The following TBC1D16 variants were observed in gnomAD, a reference collection of about 807,000 sequenced individuals.
The protein encoded by TBC1D16 is TBC1 domain family member 16.
TBC1D16 carries 58 observed loss-of-function variants against 74.7 expected under a neutral mutation model. That is an observed-to-expected ratio of 0.78 (90% CI 0.63 to 0.97). The LOEUF is 0.97. TBC1D16 is among the 50% of genes least tolerant of loss of function. The probability of loss-of-function intolerance (pLI) is 0.00; values close to 1 mark genes in which losing one functional copy is unlikely to be tolerated. For missense variants in TBC1D16, 1,014 were observed against 1,079.5 expected, an observed-to-expected ratio of 0.94 and a Z score of 0.85; for synonymous variants, 493 against 474.7, an observed-to-expected ratio of 1.04 and a Z score of -0.50.
chr17:79,942,345 T>C (rs1397505446), intron 10 of TBC1D16, 139 bp from the exon 11 acceptor site: 10 of 914,004 alleles, frequency 1.1e-5, no homozygotes, highest in Non-Finnish European at 1.6e-5. Context: ...GGGGGCCGTG[T>C]GGCCCTGGGC....
At chr17:79,976,313 T>C (rs879868836) in intron 3 of TBC1D16, among the ~76,000 whole-genome samples, 1 of 152,224 alleles carries the variant, frequency 6.6e-6, no homozygotes, top group Non-Finnish European at 1.5e-5. Context: ...AATGGCTCTT[T>C]AGCCTCTGTT....
At chr17:79,967,039 G>A (rs1210251578) in intron 3 of TBC1D16, among the ~76,000 whole-genome samples, 3 of 151,932 alleles carry the variant, frequency 2.0e-5, no homozygotes, top group Non-Finnish European at 4.4e-5. Context: ...AACTAAAAAC[G>A]GAAAGGAACT....
Position 79,934,218 on chromosome 17 carries a change from G to C in TBC1D16, c.*6641C>G, listed in dbSNP as rs1317105076. On this transcript the variant is annotated 3_prime_UTR_variant, in exon 12 of 12. Transcript: ENST00000310924. ...TAGGGCACAGCAGAGGTGAACATGA[G>C]GATGATGCTGCGTCTGGGCTGTATC... is the stretch of plus-strand genomic sequence containing the variant. 1.3e-5 allele frequency: 2 copies of C among 152,334 alleles called. No individual in the cohort carries two copies. Among genetic ancestry groups the C allele is most frequent in the African/African-American group, 2.4e-5 (1 of 41,456 alleles). 9.4% of individuals were successfully genotyped at this position (152,334 alleles called of 1,614,324 possible). A position where few individuals can be genotyped will look rare whatever the true frequency, so the allele number is the denominator to read the frequency against.
chr17:80,034,481 C>T (rs1344172183), intron 1 of TBC1D16, among the ~76,000 whole-genome samples: 4 of 152,066 alleles, frequency 2.6e-5, no homozygotes, highest in African/African-American at 9.7e-5. Flanking sequence ...GGATTACAGC[C>T]GTGAGCCACG....
Position 79,944,777 on chromosome 17 carries a change from G to A in TBC1D16, c.1908+131C>T, listed in dbSNP as rs1380611361. 32 of 830,312 alleles carry A rather than the reference G, an allele frequency of 3.9e-5. No homozygotes were observed. The highest frequency in any genetic ancestry group is 5.5e-5 in the Non-Finnish European group (30 of 550,118). The allele number at this position is 830,312 out of a possible 1,614,324, so 51.4% of individuals were successfully genotyped here. The stretch of plus-strand genomic sequence containing the variant: ...AGCCACGTGGGACGGGAAGGCAGTC[G>A]CCGTATGGGGGGCTAATGTGTGGCT... On this transcript the variant is annotated intron_variant, in intron 10 of 11. Transcript: ENST00000310924. The surrounding 1 kb of genome is among the most constrained non-coding windows in gnomAD (Gnocchi z 7.7).
intron 3 of TBC1D16, among the ~76,000 whole-genome samples, chr17:80,006,024 G>T (rs754310602): frequency 6.6e-6 from 1 of 152,090 alleles, no homozygotes; most frequent in South Asian, 2.1e-4. Flanking sequence ...TCTGCCCTCC[G>T]GGGGGACTCA....
chr17:79,973,754 CATG>C (rs931998565), intron 3 of TBC1D16, among the ~76,000 whole-genome samples: 3 of 151,748 alleles, frequency 2.0e-5, no homozygotes, highest in African/African-American at 7.2e-5. Flanking sequence ...ATTATCCAGG[CATG>C]GTGGTGCATG....
At chr17:79,984,724 A>G (rs1436741436) in intron 3 of TBC1D16, among the ~76,000 whole-genome samples, 1 of 151,674 alleles carries the variant, frequency 6.6e-6, no homozygotes, top group Non-Finnish European at 1.5e-5. Flanking sequence ...AAAAACAGTT[A>G]AAAAGAGCAA....
chr17:80,002,179 A>G lies in TBC1D16; in HGVS notation c.779+7981T>C, dbSNP rs556555416. On this transcript the variant is annotated intron_variant, in intron 3 of 11. Coordinates refer to ENST00000310924, the MANE Select transcript of TBC1D16 (RefSeq NM_019020.4). ...TCCCAGCACTGGGTCCTGGCCCACC[A>G]AGCGCACTGGCTCTAGCTCATTCTC... is the stretch of plus-strand genomic sequence containing the variant. Among the ~76,000 whole-genome samples the G allele has an allele frequency of 4.5e-3, 680 of 152,268 alleles. 4 individuals are homozygous for G. The highest frequency in any genetic ancestry group is 0.015 in the African/African-American group (610 of 41,560).
chr17:80,035,689 G>A lies in TBC1D16; in HGVS notation c.-63+106C>T, dbSNP rs1327228544. The A allele has an allele frequency of 6.8e-6, 1 of 147,560 alleles. No homozygotes were observed. Among genetic ancestry groups the A allele is most frequent in the Non-Finnish European group, 1.5e-5 (1 of 66,354 alleles). 9.1% of individuals were successfully genotyped at this position (147,560 alleles called of 1,614,324 possible). On this transcript the variant is annotated intron_variant, in intron 1 of 11. Transcript: ENST00000310924. This position sits in a 1 kb window ranked among gnomAD's most constrained non-coding sequence, Gnocchi z 5.3. Reference sequence around the variant, plus strand: ...GCGGCTGCAGGCCCACGCGCCCCACGCGCCCCGCGCGCCCCCGCCCCAGCT... The same window carrying A: ...GCGGCTGCAGGCCCACGCGCCCCACACGCCCCGCGCGCCCCCGCCCCAGCT...
At chr17:80,020,354 C>T (rs1023825293) in intron 1 of TBC1D16, among the ~76,000 whole-genome samples, 5 of 149,764 alleles carry the variant, frequency 3.3e-5, no homozygotes, top group African/African-American at 1.3e-4. Context: ...AAGACTGAGG[C>T]GGGCGGATCA....
chr17:79,942,241 G>T, intron 10 of TBC1D16, 35 bp from the exon 11 acceptor site: 2 of 1,558,358 alleles, frequency 1.3e-6, no homozygotes, highest in East Asian at 2.4e-5. Context: ...CACGGGCTCT[G>T]ACCGAGCCCC....
In TBC1D16 at chr17:79,976,573, T is replaced by C. The variant is rs2034340358; in HGVS notation, c.780-23755A>G. Among the ~76,000 whole-genome samples the C allele has an allele frequency of 2.6e-5, 4 of 152,302 alleles. No homozygotes were observed. In the South Asian group the frequency reaches 8.3e-4, roughly 32 times the overall value. On this transcript the variant is annotated intron_variant, in intron 3 of 11. Coordinates refer to ENST00000310924, the MANE Select transcript of TBC1D16 (RefSeq NM_019020.4). ...TCAAAAGCGTGAGGGAAACACACCG[T>C]GCAAAGACCAGCTTAGGGGATTCTG...
At chr17:79,977,086 A>G (rs904693923) in intron 3 of TBC1D16, among the ~76,000 whole-genome samples, 4 of 152,152 alleles carry the variant, frequency 2.6e-5, no homozygotes, top group South Asian at 2.1e-4. Context: ...TTGCCCATGA[A>G]TTCATCCTTT....
intron 9 of TBC1D16, among the ~76,000 whole-genome samples, chr17:79,947,390 G>A (rs1363241107): frequency 6.6e-6 from 1 of 152,320 alleles, no homozygotes; most frequent in African/African-American, 2.4e-5. Context: ...AGGTTGTCAC[G>A]TGCAGGGGTG....
At chr17:79,984,231 C>T (rs1240043656) in intron 3 of TBC1D16, among the ~76,000 whole-genome samples, 2 of 152,024 alleles carry the variant, frequency 1.3e-5, no homozygotes, top group East Asian at 3.9e-4. Context: ...CACAATGTTG[C>T]CCAGGCCTGA....
intron 3 of TBC1D16, among the ~76,000 whole-genome samples, chr17:79,973,019 T>G (rs550634100): frequency 6.6e-6 from 1 of 151,916 alleles, no homozygotes; most frequent in Non-Finnish European, 1.5e-5. Flanking sequence ...GAGGCAGAGG[T>G]TGCAGTGAGC....
chr17:80,011,958 C>T (rs1181926393), intron 2 of TBC1D16, among the ~76,000 whole-genome samples: 1 of 152,102 alleles, frequency 6.6e-6, no homozygotes, highest in Non-Finnish European at 1.5e-5. Flanking sequence ...ATTGATGTCA[C>T]ACACGGGGTT....
Position 80,035,546 on chromosome 17 carries a change from C to G in TBC1D16, c.-63+249G>C, listed in dbSNP as rs1002284974. On this transcript the variant is annotated intron_variant, in intron 1 of 11. Transcript: ENST00000310924. This position sits in a 1 kb window ranked among gnomAD's most constrained non-coding sequence, Gnocchi z 5.3. ...TCCGGGCCCGGGCGCCCTCACTCGC[C>G]GCGGGGAAAAGTCCCCAGGTGCCCC... Among the ~76,000 whole-genome samples the G allele has an allele frequency of 1.3e-5, 2 of 152,046 alleles. No individual in the cohort carries two copies. Among genetic ancestry groups the G allele is most frequent in the African/African-American group, 4.8e-5 (2 of 41,448 alleles).
Sources: gnomAD v4.1 joint callset for allele counts (sites outside exome capture counted in the v4.1 genomes callset) on GRCh38, gnomAD v4.1.1 for gene constraint, Gnocchi (gnomAD v3.1) non-coding constraint, MANE v1.5 for transcripts, NCBI Gene and HGNC (gene_info 2026-07-23, HGNC 2026-07-21) for gene names.